Variants in SFI1 observed in about 807,000 individuals in gnomAD.
The protein encoded by SFI1 is SFI1 centrin binding protein, also known as protein SFI1 homolog.
In SFI1, 195 loss-of-function variants were observed where a neutral mutation model predicts 207.5. The observed-to-expected ratio is 0.94, with a 90% confidence interval of 0.84 to 1.06. The LOEUF (loss-of-function observed/expected upper bound fraction) is 1.06, where lower values mean the gene tolerates loss of function less well. Ranked by LOEUF, SFI1 falls within the 50% of genes least tolerant of loss-of-function variation. SFI1 has a pLI of 0.00. For synonymous variants in SFI1, 630 were observed against 598.9 expected, an observed-to-expected ratio of 1.05 and a Z score of -0.76; for missense variants, 1,634 against 1,588.0, an observed-to-expected ratio of 1.03 and a Z score of -0.49.
chr22:31,564,478 C>T (rs1027794977), intron 8 of SFI1, among the ~76,000 whole-genome samples: 9 of 151,320 alleles, frequency 5.9e-5, no homozygotes, highest in African/African-American at 1.9e-4. Context: ...AAGGTGTTAG[C>T]ATTTTCTATA....
chr22:31,573,364 T>G, intron 9 of SFI1, 150 bp downstream of exon 9: 1 of 641,438 alleles, frequency 1.6e-6, no homozygotes, highest in Non-Finnish European at 2.5e-6. Context: ...ACATCATCCT[T>G]GAGTCACATT....
In SFI1 at chr22:31,616,839, TCTC is replaced by T. The variant is rs975234168; in HGVS notation, c.3396_3398del (p.Phe1132_Ser1133delinsLeu). 17 of 1,612,984 alleles carry T rather than the reference TCTC, an allele frequency of 1.1e-5. No individual in the cohort carries two copies. The highest frequency in any genetic ancestry group is 2.2e-5 in the South Asian group (2 of 90,888). ...CCCCATCTACTCCTTCCTGGGGACT[TCTC>T]AGCCACCAGGGCTGGGCCTGGACTT... On this transcript the variant is annotated inframe_deletion, in exon 30 of 33. Transcript: ENST00000400288.
At chr22:31,496,342 A>G (rs1218180632), upstream of SFI1, 1 of 152,292 alleles carries the variant, frequency 6.6e-6, no homozygotes, top group Non-Finnish European at 1.5e-5. Flanking sequence ...GGATGCCCAG[A>G]GGGTGCATGC....
intron 17 of SFI1, among the ~76,000 whole-genome samples, chr22:31,603,336 G>A (rs1037485883): frequency 7.9e-5 from 12 of 152,204 alleles, no homozygotes; most frequent in Admixed American, 2.0e-4. Context: ...TGGCCAGTGG[G>A]TGGGTTGTGG....
intron 1 of SFI1, among the ~76,000 whole-genome samples, chr22:31,505,550 G>GT (rs1037795960): frequency 6.6e-5 from 10 of 152,052 alleles, no homozygotes; most frequent in Non-Finnish European, 1.2e-4. Flanking sequence ...GAGGCCAGGA[G>GT]TTTGAGATTA....
intron 6 of SFI1, 79 bp from the exon 7 acceptor site, chr22:31,556,863 G>C: frequency 1.1e-6 from 1 of 914,548 alleles, no homozygotes. Flanking sequence ...ATTCAAAGGA[G>C]AGCCCTTGAG....
chr22:31,589,399 T>TA (rs772397910), intron 14 of SFI1, 48 bp from the exon 15 acceptor site: 87,979 of 884,470 alleles, frequency 0.099, no homozygotes, highest in Non-Finnish European at 0.11. Context: ...AGGTCATGTT[T>TA]AAAAAAAAAA....
chr22:31,592,801 G>C (rs1380435842), intron 15 of SFI1, among the ~76,000 whole-genome samples: 11 of 117,532 alleles, frequency 9.4e-5, no homozygotes, highest in Admixed American at 2.4e-4. Flanking sequence ...GCTGGCCGGG[G>C]GGAGGGCTGA....
intron 20 of SFI1, chr22:31,605,358 C>G (rs1056185985): frequency 6.3e-6 from 1 of 158,728 alleles, no homozygotes; most frequent in African/African-American, 2.4e-5. Flanking sequence ...GACTCTCCAG[C>G]GTCACCTCTA....
chr22:31,582,329 G>A (rs959924511), intron 12 of SFI1, among the ~76,000 whole-genome samples: 10 of 133,216 alleles, frequency 7.5e-5, no homozygotes, highest in Non-Finnish European at 1.2e-4. Flanking sequence ...TCGGCTCACT[G>A]CAACCTCCAC....
At chr22:31,593,318 G>T (rs2066444312) in intron 15 of SFI1, among the ~76,000 whole-genome samples, 1 of 138,146 alleles carries the variant, frequency 7.2e-6, no homozygotes, top group African/African-American at 2.7e-5. Flanking sequence ...CTCCCAGACG[G>T]GGTCTCGGCC....
At chr22:31,606,615 A>T in intron 21 of SFI1, 185 bp downstream of exon 21, 1 of 552,962 alleles carries the variant, frequency 1.8e-6, no homozygotes, top group East Asian at 2.9e-5. Context: ...ACTGAATTAC[A>T]AACCAATATG....
intron 18 of SFI1, 107 bp downstream of exon 18, chr22:31,603,926 C>A: frequency 9.6e-7 from 1 of 1,041,666 alleles, no homozygotes. Flanking sequence ...TACCTCTGAG[C>A]TGAAGGAGGA....
chr22:31,603,141 G>A (rs6518752), intron 17 of SFI1, among the ~76,000 whole-genome samples: 85,568 of 152,072 alleles, frequency 0.56, 24,823 homozygotes, highest in African/African-American at 0.65. Context: ...GTGAAGCACG[G>A]AAATTGGCAT....
intron 14 of SFI1, among the ~76,000 whole-genome samples, chr22:31,588,642 G>A (rs2065350279): frequency 6.6e-6 from 1 of 152,220 alleles, no homozygotes; most frequent in South Asian, 2.1e-4. Flanking sequence ...GTGAAACCCT[G>A]TCTCTACTAA....
chr22:31,594,448 T>C (rs1318496453), intron 15 of SFI1, among the ~76,000 whole-genome samples: 1 of 149,682 alleles, frequency 6.7e-6, no homozygotes, highest in Non-Finnish European at 1.5e-5. Context: ...CTCGGGAGGC[T>C]GAGGCAGGAG....
At chr22:31,544,969 G>A (rs1448707078) in intron 4 of SFI1, among the ~76,000 whole-genome samples, 3 of 151,888 alleles carry the variant, frequency 2.0e-5, no homozygotes, top group Non-Finnish European at 4.4e-5. Flanking sequence ...ACACATTCAC[G>A]GCTCACTACA....
chr22:31,507,969 G>C (rs563926103), intron 1 of SFI1, among the ~76,000 whole-genome samples: 1 of 152,104 alleles, frequency 6.6e-6, no homozygotes, highest in African/African-American at 2.4e-5. Context: ...CCAGCTACTT[G>C]AGAGGTTGAG....
chr22:31,519,094 C>T (rs534683010), intron 2 of SFI1, among the ~76,000 whole-genome samples: 16 of 152,104 alleles, frequency 1.1e-4, no homozygotes, highest in South Asian at 6.2e-4. Flanking sequence ...TTAGCAAATA[C>T]GTTGTAATGC....
Sources: allele counts gnomAD v4.1 joint callset (sites outside exome capture counted in the v4.1 genomes callset), GRCh38; gene constraint gnomAD v4.1.1; transcripts MANE v1.5; gene names NCBI Gene and HGNC (gene_info 2026-07-23, HGNC 2026-07-21).